BBX: variants seen among roughly 807,000 people sequenced by gnomAD.
The protein encoded by BBX is BBX high mobility group box domain containing.
In BBX, 30 loss-of-function variants were observed where a neutral mutation model predicts 100.2. The observed-to-expected ratio is 0.30, with a 90% CI of 0.22 to 0.41. The LOEUF is 0.41. Among genes scored for constraint, BBX ranks in the 10% least tolerant of loss-of-function variants. The pLI is 1.00. For synonymous variants in BBX, 376 were observed against 388.1 expected (o/e 0.97, Z 0.37); for missense variants, 1,023 against 1,129.8 (o/e 0.91, Z 1.35).
chr3:107,725,212 C>G (rs1388508640), intron 5 of BBX, among the ~76,000 whole-genome samples: 1 of 152,066 alleles, frequency 6.6e-6, no homozygotes, highest in African/African-American at 2.4e-5. Flanking sequence ...CTCTGTTTGT[C>G]TGTTATTGGT....
intron 2 of BBX, among the ~76,000 whole-genome samples, chr3:107,607,398 T>A (rs1265595635): frequency 1.3e-5 from 2 of 152,208 alleles, no homozygotes; most frequent in Non-Finnish European, 2.9e-5. Flanking sequence ...TATTCTTTTT[T>A]AAGACTGAAT....
At chr3:107,680,807 C>T (rs906508020) in intron 3 of BBX, among the ~76,000 whole-genome samples, 1 of 152,106 alleles carries the variant, frequency 6.6e-6, no homozygotes, top group Non-Finnish European at 1.5e-5. Context: ...TCCATGTAAC[C>T]TTTCATTAAT....
intron 10 of BBX, among the ~76,000 whole-genome samples, chr3:107,770,201 A>G (rs1259693534): frequency 6.6e-6 from 1 of 152,190 alleles, no homozygotes; most frequent in African/African-American, 2.4e-5. Flanking sequence ...TTTGAAATAT[A>G]TTGAAGCCTA....
intron 2 of BBX, among the ~76,000 whole-genome samples, chr3:107,539,227 A>G (rs2048709890): frequency 6.6e-6 from 1 of 152,212 alleles, no homozygotes; most frequent in Non-Finnish European, 1.5e-5. Context: ...CCCATAATGT[A>G]TAAAGCTGGG....
chr3:107,747,101 T>G (rs949076124), intron 8 of BBX, among the ~76,000 whole-genome samples: 1 of 152,174 alleles, frequency 6.6e-6, no homozygotes, highest in Non-Finnish European at 1.5e-5. Context: ...GAAAAGTATT[T>G]CCACATGTTC....
intron 2 of BBX, among the ~76,000 whole-genome samples, chr3:107,594,535 G>C (rs1014935022): frequency 6.6e-6 from 1 of 152,064 alleles, no homozygotes; most frequent in Admixed American, 6.6e-5. Context: ...CAGAGAGATC[G>C]CATTTCTGAC....
At chr3:107,557,547 G>C (rs953047220) in intron 2 of BBX, among the ~76,000 whole-genome samples, 3 of 152,170 alleles carry the variant, frequency 2.0e-5, no homozygotes, top group Non-Finnish European at 4.4e-5. Context: ...TTTATAGTAA[G>C]GTCTTACTCA....
intron 3 of BBX, among the ~76,000 whole-genome samples, chr3:107,671,330 ATGTAG>A (rs1472695034): frequency 1.3e-5 from 2 of 152,042 alleles, no homozygotes; most frequent in Admixed American, 1.3e-4. Context: ...TGAAATCCAC[ATGTAG>A]TGTATTTTTG....
Position 107,791,126 on chromosome 3 carries a change from T to G in BBX, c.2294-114T>G, listed in dbSNP as rs1212536017. On this transcript the variant is annotated intron_variant, in intron 14 of 17. Coordinates refer to ENST00000325805, the MANE Select transcript of BBX (RefSeq NM_001142568.3). The stretch of plus-strand genomic sequence containing the variant: ...TTAAGTAATTGACATAAAATTCAGC[T>G]TTATTTGTGTGATGTTTCAAAAGTT... 3.9e-6 allele frequency: 3 copies of G among 776,868 alleles called. No individual in the cohort carries two copies. The African/African-American group carries it at 5.1e-5, about 13-fold the overall frequency. The allele number at this position is 776,868 out of a possible 1,614,324, so 48.1% of individuals were successfully genotyped here.
At chr3:107,680,711 T>G (rs1375364694) in intron 3 of BBX, among the ~76,000 whole-genome samples, 1 of 152,160 alleles carries the variant, frequency 6.6e-6, no homozygotes, top group African/African-American at 2.4e-5. Context: ...ATGCTGCCCA[T>G]GTAGATAAGG....
chr3:107,564,897 C>G (rs2107491045), intron 2 of BBX, among the ~76,000 whole-genome samples: 1 of 152,200 alleles, frequency 6.6e-6, no homozygotes, highest in East Asian at 1.9e-4. Flanking sequence ...GGATTTTTAT[C>G]TGAATTGCAT....
At chr3:107,786,457 C>A (rs148883527) in intron 13 of BBX, among the ~76,000 whole-genome samples, 4 of 152,164 alleles carry the variant, frequency 2.6e-5, no homozygotes, top group Admixed American at 6.5e-5. Flanking sequence ...ACATATAAAT[C>A]AGTGGAATAG....
intron 2 of BBX, among the ~76,000 whole-genome samples, chr3:107,542,901 T>G (rs1210840541): frequency 6.6e-6 from 1 of 152,144 alleles, no homozygotes; most frequent in Non-Finnish European, 1.5e-5. Flanking sequence ...CCTATGGCAA[T>G]AAGGCATGGC....
chr3:107,752,942 C>A (rs1246521288), intron 9 of BBX, among the ~76,000 whole-genome samples: 1 of 152,172 alleles, frequency 6.6e-6, no homozygotes, highest in Non-Finnish European at 1.5e-5. Context: ...GGTAGAACAG[C>A]ATGGGCAGGA....
At chr3:107,618,442 T>C (rs543059387) in intron 2 of BBX, among the ~76,000 whole-genome samples, 1 of 152,184 alleles carries the variant, frequency 6.6e-6, no homozygotes, top group East Asian at 1.9e-4. Flanking sequence ...TTTCTGCTTA[T>C]GTTAGGTTTA....
At position 107,807,985 on chromosome 3, in the gene BBX, A is replaced by T. The variant is rs2071144106; in HGVS notation, c.*2528A>T. On this transcript the variant is annotated 3_prime_UTR_variant, in exon 18 of 18. Transcript: ENST00000325805. ...TGTCGATTCTCTGAGTAAAGTCTTG[A>T]TTTCAATAATTGTGCTTCTCATGCC... 2 of 152,188 alleles carry T rather than the reference A, an allele frequency of 1.3e-5. No individual in the cohort carries two copies. The highest frequency in any genetic ancestry group is 2.9e-5 in the Non-Finnish European group (2 of 68,042). The allele number at this position is 152,188 out of a possible 1,614,324, so 9.4% of individuals were successfully genotyped here. A position where few individuals can be genotyped will look rare whatever the true frequency, so the allele number is the denominator to read the frequency against.
Position 107,700,903 on chromosome 3 carries a change from G to A in BBX, c.-9-9549G>A, listed in dbSNP as rs905290267. 2.2e-3 allele frequency among the ~76,000 whole-genome samples: 340 copies of A among 151,518 alleles called. 5 individuals are homozygous for A. Among genetic ancestry groups the A allele is most frequent in the African/African-American group, 7.8e-3 (321 of 40,930 alleles). ...GTGAATAGTGCCGCAATAAACATAC[G>A]TGTGCATGTGTCTTTATAGCAGCAT... On this transcript the variant is annotated intron_variant, in intron 3 of 17. Transcript: ENST00000325805.
intron 5 of BBX, among the ~76,000 whole-genome samples, chr3:107,718,439 A>C (rs1035517213): frequency 6.6e-6 from 1 of 151,546 alleles, no homozygotes; most frequent in East Asian, 1.9e-4. Flanking sequence ...ATTTCATTAG[A>C]TTTCCATAGC....
chr3:107,648,651 C>T (rs1267931528), intron 3 of BBX, among the ~76,000 whole-genome samples: 2 of 152,112 alleles, frequency 1.3e-5, no homozygotes, highest in East Asian at 3.9e-4. Flanking sequence ...GGGAGCTTAA[C>T]AGTTGCATCC....
Sources: allele counts gnomAD v4.1 joint callset (sites outside exome capture counted in the v4.1 genomes callset), GRCh38; gene constraint gnomAD v4.1.1; transcripts MANE v1.5; gene names NCBI Gene and HGNC (gene_info 2026-07-23, HGNC 2026-07-21).